The following SIPA1L2 variants were observed in gnomAD, a reference collection of about 807,000 sequenced individuals.
SIPA1L2 encodes the protein signal-induced proliferation-associated 1-like protein 2.
In SIPA1L2, 56 loss-of-function variants were observed where a neutral mutation model predicts 163.9. That is an observed-to-expected ratio of 0.34 (90% confidence interval 0.28 to 0.43). The LOEUF (loss-of-function observed/expected upper bound fraction) is 0.43, where lower values mean the gene tolerates loss of function less well. Among genes scored for constraint, SIPA1L2 ranks in the 20% least tolerant of loss-of-function variants. The pLI is 1.00. For missense variants in SIPA1L2, 1,974 were observed against 2,193.5 expected (o/e 0.90, Z 2.00); for synonymous variants, 877 against 865.7 (o/e 1.01, Z -0.23).
intron 7 of SIPA1L2, among the ~76,000 whole-genome samples, chr1:232,477,868 A>G (rs557600391): frequency 6.6e-6 from 1 of 152,328 alleles, no homozygotes; most frequent in East Asian, 1.9e-4. Flanking sequence ...CCTGAAGTCC[A>G]ATGACTCAAG....
intron 1 of SIPA1L2, among the ~76,000 whole-genome samples, chr1:232,621,525 A>G (rs553552988): frequency 6.6e-6 from 1 of 152,248 alleles, no homozygotes; most frequent in South Asian, 2.1e-4. Flanking sequence ...AGAAAACCAC[A>G]CTTTCATTAA....
Position 232,548,580 on chromosome 1 carries a change from A to T in SIPA1L2, c.-270+25594T>A, listed in dbSNP as rs186614704. ...TAAATATGTACTAATAAATTCAATC[A>T]ATATACTTCATTCATTTACTCTTTC... On this transcript the variant is annotated intron_variant, in intron 2 of 22. Transcript: ENST00000674635. Among the ~76,000 whole-genome samples, 184 of 152,346 alleles carry T rather than the reference A, an allele frequency of 1.2e-3. 1 individual carries two copies. The highest frequency in any genetic ancestry group is 1.4e-3 in the Non-Finnish European group (97 of 68,038).
At chr1:232,404,286 G>T in intron 19 of SIPA1L2, 108 bp from the exon 20 acceptor site, 4 of 889,638 alleles carry the variant, frequency 4.5e-6, no homozygotes, top group African/African-American at 1.7e-5. Flanking sequence ...GTGTGTGATG[G>T]ACCAGGGGAA....
chr1:232,606,737 T>C (rs973971275), intron 1 of SIPA1L2, among the ~76,000 whole-genome samples: 3 of 151,538 alleles, frequency 2.0e-5, no homozygotes, highest in African/African-American at 7.2e-5. Context: ...TGTAATAAGT[T>C]TAAATGAAAG....
intron 9 of SIPA1L2, 29 bp from the exon 10 acceptor site, chr1:232,461,190 C>G (rs1363258132): frequency 6.2e-7 from 1 of 1,600,340 alleles, no homozygotes; most frequent in Non-Finnish European, 8.5e-7. Flanking sequence ...GTTAGAGATG[C>G]CCTTCCTGCC....
At chr1:232,590,131 G>A (rs1660886461) in intron 1 of SIPA1L2, among the ~76,000 whole-genome samples, 1 of 152,162 alleles carries the variant, frequency 6.6e-6, no homozygotes, top group Non-Finnish European at 1.5e-5. Flanking sequence ...CACAAGGGAA[G>A]TCAAGTCCCC....
At chr1:232,441,959 C>A in intron 12 of SIPA1L2, 91 bp from the exon 13 acceptor site, 4 of 1,055,766 alleles carry the variant, frequency 3.8e-6, no homozygotes, top group Non-Finnish European at 5.6e-6. Flanking sequence ...GTAGGCTATG[C>A]GAGGGAAAGC....
At chr1:232,402,277 T>C (rs1660388929) in intron 22 of SIPA1L2, 115 bp downstream of exon 22, 2 of 779,032 alleles carry the variant, frequency 2.6e-6, no homozygotes, top group Non-Finnish European at 2.0e-6. Flanking sequence ...TATTTATCAT[T>C]GGTTTTTGTG....
intron 1 of SIPA1L2, among the ~76,000 whole-genome samples, chr1:232,609,844 A>G (rs1362191189): frequency 6.6e-6 from 1 of 151,484 alleles, no homozygotes; most frequent in Non-Finnish European, 1.5e-5. Context: ...AAAAAAAAAA[A>G]AGAAAAAGAA....
chr1:232,404,226 A>G (rs1393208261), intron 19 of SIPA1L2, 48 bp from the exon 20 acceptor site: 1 of 1,581,136 alleles, frequency 6.3e-7, no homozygotes, highest in Admixed American at 1.7e-5. Context: ...ATCTCTCTAT[A>G]CTTGAGAATC....
chr1:232,507,402 G>C (rs1666779212), intron 3 of SIPA1L2, among the ~76,000 whole-genome samples: 1 of 152,148 alleles, frequency 6.6e-6, no homozygotes, highest in Admixed American at 6.6e-5. Flanking sequence ...TGGTGACCTA[G>C]GGAGGTAGTG....
intron 1 of SIPA1L2, among the ~76,000 whole-genome samples, chr1:232,587,416 T>G (rs1347544484): frequency 6.6e-6 from 1 of 152,162 alleles, no homozygotes; most frequent in Non-Finnish European, 1.5e-5. Context: ...CTTTCCTGTA[T>G]GTCTTAAAGT....
At chr1:232,486,744 T>C (rs1464199274) in intron 5 of SIPA1L2, among the ~76,000 whole-genome samples, 2 of 152,124 alleles carry the variant, frequency 1.3e-5, no homozygotes, top group Non-Finnish European at 2.9e-5. Context: ...CAGAATGAAA[T>C]GTTCAGTAAA....
At chr1:232,592,134 A>G (rs4649273) in intron 1 of SIPA1L2, among the ~76,000 whole-genome samples, 119,041 of 147,024 alleles carry the variant, frequency 0.81, 46,959 homozygotes, top group East Asian at 0.92. Context: ...CAGAGAAAAG[A>G]GAGGAAAAAA....
intron 15 of SIPA1L2, among the ~76,000 whole-genome samples, chr1:232,434,307 C>G (rs1288060333): frequency 6.6e-6 from 1 of 152,048 alleles, no homozygotes; most frequent in South Asian, 2.1e-4. Flanking sequence ...ATAAACGGAC[C>G]CATTTTCAGG....
intron 1 of SIPA1L2, among the ~76,000 whole-genome samples, chr1:232,604,754 A>G (rs1243910622): frequency 6.6e-6 from 1 of 152,074 alleles, no homozygotes; most frequent in East Asian, 1.9e-4. Flanking sequence ...TCCTAGTACT[A>G]TCTCATGATG....
At chr1:232,499,537 G>A (rs1666360018) in intron 3 of SIPA1L2, among the ~76,000 whole-genome samples, 1 of 152,234 alleles carries the variant, frequency 6.6e-6, no homozygotes, top group Non-Finnish European at 1.5e-5. Context: ...AAGAAAAACT[G>A]GAAGCTAGCA....
At position 232,515,405 on chromosome 1, in the gene SIPA1L2, C is replaced by A. The variant is rs16857504; in HGVS notation, c.-66G>T. 4.1e-6 allele frequency: 6 copies of A among 1,465,032 alleles called. No individual in the cohort carries two copies. Among genetic ancestry groups the A allele is most frequent in the East Asian group, 2.3e-5 (1 of 43,722 alleles). 90.8% of individuals were successfully genotyped at this position (1,465,032 alleles called of 1,614,324 possible). On this transcript the variant is annotated 5_prime_UTR_variant, in exon 3 of 23. Transcript: ENST00000674635. ...GATGTAAATCTAATTACATTGCTAC[C>A]GACCACGCCATAATACTTGCAGATA...
intron 5 of SIPA1L2, among the ~76,000 whole-genome samples, chr1:232,489,185 A>AC (rs1284073846): frequency 6.6e-6 from 1 of 152,200 alleles, no homozygotes; most frequent in Non-Finnish European, 1.5e-5. Flanking sequence ...GACATATCCT[A>AC]CAAAGGGATC....
Sources: allele counts gnomAD v4.1 joint callset (sites outside exome capture counted in the v4.1 genomes callset), GRCh38; gene constraint gnomAD v4.1.1; transcripts MANE v1.5; gene names NCBI Gene and HGNC (gene_info 2026-07-23, HGNC 2026-07-21).